Variants in CHLSN observed in about 807,000 individuals in gnomAD.
CHLSN encodes cholesin.
chr7:1,040,053 T>A, the CHLSN span, among the ~76,000 whole-genome samples: 3 of 136,832 alleles, frequency 2.2e-5, 1 homozygote, highest in South Asian at 7.4e-4. Context: ...TGCAGGGTCC[T>A]CTGCCTAGGA....
chr7:1,102,024 G>A, the CHLSN span, among the ~76,000 whole-genome samples: 1 of 152,238 alleles, frequency 6.6e-6, no homozygotes, highest in African/African-American at 2.4e-5. Context: ...AGTCATCACA[G>A]CAGAGCGCTC....
At chr7:1,025,558 G>A in the CHLSN span, 1 of 152,190 alleles carries the variant, frequency 6.6e-6, no homozygotes, top group Non-Finnish European at 1.5e-5. Flanking sequence ...TGTAGGCGAG[G>A]GGCTCACAGC....
At chr7:1,065,482 C>T in the CHLSN span, among the ~76,000 whole-genome samples, 5 of 152,232 alleles carry the variant, frequency 3.3e-5, no homozygotes, top group South Asian at 2.1e-4. Flanking sequence ...TACTCGTCAG[C>T]GAAATGGACC....
chr7:1,046,786 C>G, the CHLSN span, among the ~76,000 whole-genome samples: 1 of 152,198 alleles, frequency 6.6e-6, no homozygotes, highest in South Asian at 2.1e-4. Context: ...CAAGGACTTT[C>G]CCCATTTTAA....
At chr7:1,080,124 C>T in the CHLSN span, among the ~76,000 whole-genome samples, 3 of 152,224 alleles carry the variant, frequency 2.0e-5, no homozygotes, top group Non-Finnish European at 2.9e-5. Context: ...CTGGCAGAAA[C>T]GCAAAACAGA....
chr7:983,299 C>T, the CHLSN span: 213 of 1,542,390 alleles, frequency 1.4e-4, 1 homozygote, highest in East Asian at 8.4e-4. Flanking sequence ...CCCAGCTGCC[C>T]GGTGGCCCCC....
At chr7:1,091,827 G>A in the CHLSN span, 1 of 1,604,496 alleles carries the variant, frequency 6.2e-7, no homozygotes, top group Non-Finnish European at 8.5e-7. Flanking sequence ...AGCTCAACCT[G>A]TCCCACCCGC....
the CHLSN span, among the ~76,000 whole-genome samples, chr7:1,012,111 G>A: frequency 6.6e-6 from 1 of 152,250 alleles, no homozygotes; most frequent in African/African-American, 2.4e-5. Context: ...AAACCCTCCT[G>A]GCACAGGCCC....
At chr7:1,103,677 C>T in the CHLSN span, among the ~76,000 whole-genome samples, 82 of 152,328 alleles carry the variant, frequency 5.4e-4, 2 homozygotes, top group East Asian at 3.7e-3. Flanking sequence ...TCATTATGAT[C>T]GAGTTTAAAC....
chr7:1,138,180 CG>C, the CHLSN span: 1 of 152,110 alleles, frequency 6.6e-6, no homozygotes, highest in African/African-American at 2.4e-5. Context: ...CGCCGCCCCA[CG>C]CGCCTACCTG....
the CHLSN span, among the ~76,000 whole-genome samples, chr7:1,048,940 C>A: frequency 6.6e-6 from 1 of 152,232 alleles, no homozygotes; most frequent in Non-Finnish European, 1.5e-5. Flanking sequence ...AGTGAAACAT[C>A]GGGAAATTCA....
At chr7:1,076,640 G>A in the CHLSN span, among the ~76,000 whole-genome samples, 1 of 152,272 alleles carries the variant, frequency 6.6e-6, no homozygotes, top group African/African-American at 2.4e-5. Context: ...GGCTGGCCCT[G>A]GGAAAAGCCG....
chr7:1,040,180 ATT>A, the CHLSN span, among the ~76,000 whole-genome samples: 3 of 75,676 alleles, frequency 4.0e-5, no homozygotes, highest in African/African-American at 6.0e-5. Context: ...AAAAAAATAA[ATT>A]TAAAAAAAAA....
At chr7:1,006,174 C>T in the CHLSN span, among the ~76,000 whole-genome samples, 1 of 152,174 alleles carries the variant, frequency 6.6e-6, no homozygotes, top group Admixed American at 6.5e-5. Context: ...GGACTGCTTC[C>T]AGCACTCCCA....
chr7:1,116,986 C>G, the CHLSN span, among the ~76,000 whole-genome samples: 1 of 47,196 alleles, frequency 2.1e-5, no homozygotes, highest in Non-Finnish European at 3.5e-5. Context: ...CTAGGACCGG[C>G]TTCCATCACC....
the CHLSN span, among the ~76,000 whole-genome samples, chr7:1,134,845 C>T: frequency 6.6e-6 from 1 of 152,114 alleles, no homozygotes; most frequent in South Asian, 2.1e-4. Context: ...CCACTGCACT[C>T]CAGCCTGGGC....
At chr7:1,064,194 A>G in the CHLSN span, among the ~76,000 whole-genome samples, 1 of 152,168 alleles carries the variant, frequency 6.6e-6, no homozygotes, top group East Asian at 1.9e-4. Flanking sequence ...CCGTGACCGG[A>G]AGAGGCTTCA....
the CHLSN span, among the ~76,000 whole-genome samples, chr7:1,064,560 C>T: frequency 1.3e-5 from 2 of 152,188 alleles, no homozygotes; most frequent in East Asian, 1.9e-4. Context: ...GAGGGAATCC[C>T]GAGCTGACCT....
At chr7:1,002,460 T>C in the CHLSN span, among the ~76,000 whole-genome samples, 8 of 94,194 alleles carry the variant, frequency 8.5e-5, no homozygotes, top group Admixed American at 1.0e-4. Context: ...TGGAGTCCTG[T>C]GGGTGAGTGG....
Sources: allele counts gnomAD v4.1 joint callset (sites outside exome capture counted in the v4.1 genomes callset), GRCh38; gene constraint gnomAD v4.1.1; transcripts MANE v1.5; gene names NCBI Gene and HGNC (gene_info 2026-07-23, HGNC 2026-07-21).